The following CIT variants were observed in gnomAD, a reference collection of about 807,000 sequenced individuals.
CIT encodes citron Rho-interacting kinase.
Under a neutral mutation model 272.7 loss-of-function variants are expected in CIT, and 79 were observed. The observed-to-expected ratio is 0.29, with a 90% CI of 0.24 to 0.35. CIT has a LOEUF of 0.35. Ranked by LOEUF, CIT falls within the 10% of genes least tolerant of loss-of-function variation. The probability of loss-of-function intolerance (pLI) is 1.00; values close to 1 mark genes in which losing one functional copy is unlikely to be tolerated. For synonymous variants in CIT, 948 were observed against 995.6 expected (o/e 0.95, Z 0.90); for missense variants, 1,909 against 2,618.3 (o/e 0.73, Z 5.91).
chr12:119,804,179 T>G lies in CIT; in HGVS notation c.1112-790A>C. 1 of 985,448 alleles carries G rather than the reference T, an allele frequency of 1.0e-6. No individual in the cohort carries two copies. Among genetic ancestry groups the G allele is most frequent in the Non-Finnish European group, 1.2e-6 (1 of 830,024 alleles). 61.0% of individuals were successfully genotyped at this position (985,448 alleles called of 1,614,324 possible). A position where few individuals can be genotyped will look rare whatever the true frequency, so the allele number is the denominator to read the frequency against. On this transcript the variant is annotated intron_variant, in intron 9 of 47. Coordinates refer to ENST00000392521, the MANE Select transcript of CIT (RefSeq NM_001206999.2). The surrounding 1 kb of genome is among the most constrained non-coding windows in gnomAD (Gnocchi z 5.3). ...GGCTCCTACCTCCTCAGGGCTTCAC[T>G]CCCGGCTGGGGGCGTGTTACATCCT...
At chr12:119,875,752 C>G (rs1566158456) in intron 2 of CIT, among the ~76,000 whole-genome samples, 1 of 152,192 alleles carries the variant, frequency 6.6e-6, no homozygotes, top group Non-Finnish European at 1.5e-5. Flanking sequence ...GAGGCCAAGG[C>G]AGGTGGATCA....
rs367602795 is a variant in CIT at position 119,823,922 on chromosome 12, C to T, written c.958-949G>A. On this transcript the variant is annotated intron_variant, in intron 8 of 47. Coordinates refer to ENST00000392521, the MANE Select transcript of CIT (RefSeq NM_001206999.2). The stretch of plus-strand genomic sequence containing the variant: ...AGGCATGGTGGTGGGCACCCGTGAT[C>T]CCAGCTACTCAGGAGGCTGAGGCAG... 4.0e-5 allele frequency among the ~76,000 whole-genome samples: 6 copies of T among 151,112 alleles called. No individual in the cohort carries two copies. In the East Asian group the frequency reaches 9.8e-4, roughly 25 times the overall value.
At chr12:119,740,758 T>C (rs1593546393) in intron 24 of CIT, among the ~76,000 whole-genome samples, 1 of 152,084 alleles carries the variant, frequency 6.6e-6, no homozygotes, top group East Asian at 1.9e-4. Context: ...AATTCTTGTG[T>C]AAAATAAGAA....
At chr12:119,762,054 T>A (rs1268157919) in intron 19 of CIT, among the ~76,000 whole-genome samples, 1 of 152,122 alleles carries the variant, frequency 6.6e-6, no homozygotes, top group Non-Finnish European at 1.5e-5. Context: ...ATCCTGGGAA[T>A]AAAGCTGAAA....
chr12:119,831,822 A>C lies in CIT; in HGVS notation c.753+949T>G, dbSNP rs1277538058. Reference sequence around the variant, plus strand: ...GGGGCGGAGCTTGCAGTGAGCCGAGATCGCGCCACTGCACTCCAGCCTGGG... The same window carrying C: ...GGGGCGGAGCTTGCAGTGAGCCGAGCTCGCGCCACTGCACTCCAGCCTGGG... On this transcript the variant is annotated intron_variant, in intron 7 of 47. Coordinates refer to ENST00000392521, the MANE Select transcript of CIT (RefSeq NM_001206999.2). Among the ~76,000 whole-genome samples, 4 of 152,172 alleles carry C rather than the reference A, an allele frequency of 2.6e-5. No homozygotes were observed. In the East Asian group the frequency reaches 5.8e-4, roughly 22 times the overall value.
intron 2 of CIT, 126 bp from the exon 3 acceptor site, chr12:119,869,327 T>C (rs1222092985): frequency 1.2e-6 from 1 of 839,852 alleles, no homozygotes; most frequent in Non-Finnish European, 1.8e-6. Context: ...AACAGCACAA[T>C]TCTGTGGCTT....
chr12:119,832,154 T>C (rs1400372025), intron 7 of CIT, among the ~76,000 whole-genome samples: 1 of 152,252 alleles, frequency 6.6e-6, no homozygotes. Flanking sequence ...CATATTTTAG[T>C]ACATACCAAC....
intron 9 of CIT, among the ~76,000 whole-genome samples, chr12:119,821,417 G>A (rs1323660767): frequency 6.6e-6 from 1 of 152,086 alleles, no homozygotes; most frequent in Non-Finnish European, 1.5e-5. Context: ...ATATAACATA[G>A]GTATGTATGC....
chr12:119,718,508 C>A lies in CIT; in HGVS notation c.4004-99G>T. The A allele has an allele frequency of 1.4e-6, 2 of 1,475,814 alleles. No homozygotes were observed. The highest frequency in any genetic ancestry group is 1.8e-6 in the Non-Finnish European group (2 of 1,089,960). The allele number at this position is 1,475,814 out of a possible 1,614,324, so 91.4% of individuals were successfully genotyped here. ...GGGCTATCTTTCAAGGACCCAAGAC[C>A]AAAAGAATATGCGTCACATCAACTT... On this transcript the variant is annotated intron_variant, in intron 31 of 47. Transcript: ENST00000392521. The surrounding 1 kb of genome is among the most constrained non-coding windows in gnomAD (Gnocchi z 4.8).
intron 10 of CIT, among the ~76,000 whole-genome samples, chr12:119,795,038 G>A (rs1383606044): frequency 6.6e-6 from 1 of 152,188 alleles, no homozygotes; most frequent in Admixed American, 6.5e-5. Flanking sequence ...CTTTGAATGG[G>A]TATGCTACAG....
chr12:119,841,910 C>T (rs897471297), intron 5 of CIT, among the ~76,000 whole-genome samples: 14 of 152,158 alleles, frequency 9.2e-5, no homozygotes, highest in African/African-American at 3.4e-4. Context: ...TTTGATACAG[C>T]AGCTAAGCAT....
rs1038098799 is a variant in CIT at position 119,690,734 on chromosome 12, T to A, written c.5883-280A>T. 2.6e-5 allele frequency among the ~76,000 whole-genome samples: 4 copies of A among 152,222 alleles called. No individual in the cohort carries two copies. The highest frequency in any genetic ancestry group is 5.9e-5 in the Non-Finnish European group (4 of 68,040). ...CCTGTGCTAAGTTCTTCATCTGCCA[T>A]CTCTCATTATCTCATTAAATCATCA... On this transcript the variant is annotated intron_variant, in intron 46 of 47. Coordinates refer to ENST00000392521, the MANE Select transcript of CIT (RefSeq NM_001206999.2). This position sits in a 1 kb window ranked among gnomAD's most constrained non-coding sequence, Gnocchi z 6.0.
At chr12:119,755,050 T>A (rs780985134) in intron 22 of CIT, among the ~76,000 whole-genome samples, 1 of 152,198 alleles carries the variant, frequency 6.6e-6, no homozygotes, top group Non-Finnish European at 1.5e-5. Flanking sequence ...GCCTGGATGA[T>A]AAAAGTTAAA....
chr12:119,874,059 T>C (rs1950764646), intron 2 of CIT, among the ~76,000 whole-genome samples: 1 of 152,084 alleles, frequency 6.6e-6, no homozygotes, highest in Admixed American at 6.6e-5. Flanking sequence ...ATTTTTTTTG[T>C]TTTCTTTTGT....
intron 40 of CIT, among the ~76,000 whole-genome samples, chr12:119,707,562 C>T (rs1370833757): frequency 6.6e-6 from 1 of 151,838 alleles, no homozygotes; most frequent in Non-Finnish European, 1.5e-5. Flanking sequence ...AGTGCGGTGG[C>T]GCAATCTCGG....
intron 9 of CIT, among the ~76,000 whole-genome samples, chr12:119,805,546 G>A (rs191812968): frequency 6.6e-6 from 1 of 152,174 alleles, no homozygotes; most frequent in African/African-American, 2.4e-5. Context: ...TTCCTGCACA[G>A]GGCAGAGACA....
At chr12:119,701,485 G>T in intron 43 of CIT, 139 bp downstream of exon 43, 3 of 918,058 alleles carry the variant, frequency 3.3e-6, no homozygotes, top group Non-Finnish European at 4.8e-6. Flanking sequence ...AAGGGGACTT[G>T]GTGGTGCTGG....
chr12:119,702,821 A>G (rs949688537), intron 41 of CIT, among the ~76,000 whole-genome samples: 1 of 152,186 alleles, frequency 6.6e-6, no homozygotes, highest in Non-Finnish European at 1.5e-5. Flanking sequence ...GGTCAGCAGC[A>G]ATGGTTTTGG....
chr12:119,698,029 C>T lies in CIT; in HGVS notation c.5649G>A (p.Val1883=), dbSNP rs764574266. Residue 1883 remains valine, a synonymous_variant, in exon 45 of 48, where the codon GTG becomes GTA. Transcript: ENST00000392521. ...AFAYREPYLF[V]THFNSLEVIE... is the part of the protein sequence containing the mutation. ...TTACTTCGAGTGAGTTGAAGTGGGTCACAAACAGATAGGGTTCTCTGTAGG... is the reference window on the plus strand; with the variant it reads ...TTACTTCGAGTGAGTTGAAGTGGGTTACAAACAGATAGGGTTCTCTGTAGG... 13 of 1,614,048 alleles carry T rather than the reference C, an allele frequency of 8.1e-6. No homozygotes were observed. The South Asian group carries it at 1.4e-4, about 18-fold the overall frequency.
Sources: allele counts gnomAD v4.1 joint callset (sites outside exome capture counted in the v4.1 genomes callset), GRCh38; gene constraint gnomAD v4.1.1; non-coding constraint Gnocchi (gnomAD v3.1); transcripts MANE v1.5; gene names NCBI Gene and HGNC (gene_info 2026-07-23, HGNC 2026-07-21).